Variants in FER observed in about 807,000 individuals in gnomAD.
FER encodes tyrosine-protein kinase Fer.
In FER, 63 loss-of-function variants were observed where a neutral mutation model predicts 111.0. That is an observed-to-expected ratio of 0.57 (90% CI 0.46 to 0.70). The LOEUF (loss-of-function observed/expected upper bound fraction) is 0.70, where lower values mean the gene tolerates loss of function less well. Ranked by LOEUF, FER falls within the 30% of genes least tolerant of loss-of-function variation. FER has a pLI of 0.00. For synonymous variants in FER, 327 were observed against 313.9 expected, an observed-to-expected ratio of 1.04 and a Z score of -0.44; for missense variants, 914 against 954.0, an observed-to-expected ratio of 0.96 and a Z score of 0.55.
intron 5 of FER, among the ~76,000 whole-genome samples, chr5:108,845,989 G>A (rs890745371): frequency 6.6e-6 from 1 of 152,092 alleles, no homozygotes; most frequent in African/African-American, 2.4e-5. Context: ...TAGTCATGAT[G>A]TATTACTACT....
At chr5:108,935,989 C>T (rs1021376795) in intron 10 of FER, among the ~76,000 whole-genome samples, 2 of 152,040 alleles carry the variant, frequency 1.3e-5, no homozygotes, top group African/African-American at 4.8e-5. Context: ...AATATGAGGT[C>T]TGTGTCTTGC....
intron 10 of FER, among the ~76,000 whole-genome samples, chr5:108,937,395 G>A (rs1233881221): frequency 6.6e-6 from 1 of 151,984 alleles, no homozygotes. Flanking sequence ...GAAGTCACAC[G>A]GATGTTTCAA....
intron 13 of FER, among the ~76,000 whole-genome samples, chr5:109,035,961 T>C (rs549661639): frequency 6.6e-6 from 1 of 152,328 alleles, no homozygotes; most frequent in Middle Eastern, 3.4e-3. Context: ...GTTCATCATC[T>C]TTTCTGAACT....
intron 16 of FER, among the ~76,000 whole-genome samples, chr5:109,079,221 T>C (rs546749068): frequency 6.6e-6 from 1 of 152,188 alleles, no homozygotes; most frequent in African/African-American, 2.4e-5. Context: ...CTTTATAAGA[T>C]GCTGTGATTA....
intron 1 of FER, among the ~76,000 whole-genome samples, chr5:108,757,551 G>A (rs1449425934): frequency 3.3e-5 from 5 of 152,016 alleles, no homozygotes; most frequent in Non-Finnish European, 7.4e-5. Context: ...ATGCCTTAGA[G>A]GTAAAAAAAA....
At chr5:108,839,388 G>T (rs1761005700) in intron 5 of FER, among the ~76,000 whole-genome samples, 1 of 152,104 alleles carries the variant, frequency 6.6e-6, no homozygotes, top group Non-Finnish European at 1.5e-5. Flanking sequence ...GGTAGGAAGA[G>T]AAGATTTTGG....
At chr5:108,876,603 T>C (rs955353209) in intron 8 of FER, among the ~76,000 whole-genome samples, 1 of 152,226 alleles carries the variant, frequency 6.6e-6, no homozygotes, top group African/African-American at 2.4e-5. Flanking sequence ...TATTTTGTTA[T>C]TGAATTAGAT....
At chr5:109,111,694 G>A (rs376491802) in intron 17 of FER, among the ~76,000 whole-genome samples, 2 of 152,076 alleles carry the variant, frequency 1.3e-5, no homozygotes, top group African/African-American at 4.8e-5. Context: ...GGCAGAAGGC[G>A]AAGAGGGAGT....
At chr5:109,015,528 C>T (rs1333576395) in intron 13 of FER, among the ~76,000 whole-genome samples, 2 of 151,834 alleles carry the variant, frequency 1.3e-5, no homozygotes, top group East Asian at 1.9e-4. Flanking sequence ...TGAGACATAG[C>T]CTTTTCCCTC....
intron 5 of FER, among the ~76,000 whole-genome samples, chr5:108,862,370 T>A (rs1332148790): frequency 6.6e-6 from 1 of 152,148 alleles, no homozygotes; most frequent in African/African-American, 2.4e-5. Context: ...GTTTAGTGAA[T>A]CATTTTACAC....
intron 13 of FER, among the ~76,000 whole-genome samples, chr5:108,977,369 C>T (rs1237455034): frequency 6.6e-6 from 1 of 152,054 alleles, no homozygotes; most frequent in African/African-American, 2.4e-5. Flanking sequence ...TCATGACATA[C>T]CTTTTTCTTA....
At chr5:109,064,634 T>C (rs1292388248) in intron 16 of FER, among the ~76,000 whole-genome samples, 1 of 152,178 alleles carries the variant, frequency 6.6e-6, no homozygotes, top group Non-Finnish European at 1.5e-5. Context: ...CTCGTAGGCT[T>C]TTTATGTTCT....
At chr5:109,060,180 A>C (rs1774204705) in intron 16 of FER, among the ~76,000 whole-genome samples, 1 of 152,152 alleles carries the variant, frequency 6.6e-6, no homozygotes, top group South Asian at 2.1e-4. Context: ...TAGACAATAG[A>C]CAGGCATGAG....
chr5:108,773,913 T>C (rs934541203), intron 2 of FER, among the ~76,000 whole-genome samples: 5 of 152,178 alleles, frequency 3.3e-5, no homozygotes, highest in Non-Finnish European at 7.4e-5. Flanking sequence ...TGGTATCTCA[T>C]TGTGGTTTTT....
intron 14 of FER, 72 bp from the exon 15 acceptor site, chr5:109,044,608 C>T (rs1466884732): frequency 1.5e-5 from 11 of 721,296 alleles, no homozygotes; most frequent in South Asian, 2.3e-5. Flanking sequence ...CTCTTTGGTA[C>T]CTTTCCTTGT....
intron 10 of FER, among the ~76,000 whole-genome samples, chr5:108,943,283 A>T (rs1222945100): frequency 6.6e-6 from 1 of 152,164 alleles, no homozygotes; most frequent in Non-Finnish European, 1.5e-5. Context: ...AATTTTTGAG[A>T]TGAAAATTTT....
rs560124689 is a variant in FER, at chr5:109,191,404, C to T, written c.*3829C>T. The T allele has an allele frequency of 1.0e-3, 153 of 152,212 alleles. No homozygotes were observed. The highest frequency in any genetic ancestry group is 3.6e-3 in the African/African-American group (150 of 41,542). The allele number at this position is 152,212 out of a possible 1,614,324, so 9.4% of individuals were successfully genotyped here. A position where few individuals can be genotyped will look rare whatever the true frequency, so the allele number is the denominator to read the frequency against. Reference sequence around the variant, plus strand: ...CAGCCCTCTTCTTTTTACGTATACTCCATTTATCATTGATATTTTAGATGT... The same window carrying T: ...CAGCCCTCTTCTTTTTACGTATACTTCATTTATCATTGATATTTTAGATGT... On this transcript the variant is annotated 3_prime_UTR_variant, in exon 20 of 20. Transcript: ENST00000281092.
intron 13 of FER, among the ~76,000 whole-genome samples, chr5:108,983,928 C>G (rs908655257): frequency 1.3e-5 from 2 of 152,056 alleles, no homozygotes; most frequent in Non-Finnish European, 2.9e-5. Flanking sequence ...CATCCTCTCT[C>G]TCTTTCTCTC....
intron 14 of FER, among the ~76,000 whole-genome samples, chr5:109,038,155 T>A (rs1770656331): frequency 6.6e-6 from 1 of 151,928 alleles, no homozygotes; most frequent in Admixed American, 6.6e-5. Flanking sequence ...AATGGACTAT[T>A]TGAAAATTTA....
Sources: allele counts gnomAD v4.1 joint callset (sites outside exome capture counted in the v4.1 genomes callset), GRCh38; gene constraint gnomAD v4.1.1; transcripts MANE v1.5; gene names NCBI Gene and HGNC (gene_info 2026-07-23, HGNC 2026-07-21).